Variants in RPTOR observed in about 807,000 individuals in gnomAD.
RPTOR encodes the protein regulatory associated protein of MTOR complex 1, also known as regulatory-associated protein of mTOR.
RPTOR carries 21 observed loss-of-function variants against 169.9 expected under a neutral mutation model. The ratio of observed to expected loss-of-function variants is 0.12; its 90% CI spans 0.09 to 0.18. The LOEUF (loss-of-function observed/expected upper bound fraction) is 0.18. Among genes scored for constraint, RPTOR ranks in the 10% least tolerant of loss-of-function variants. The probability of loss-of-function intolerance (pLI) is 1.00; values close to 1 mark genes in which losing one functional copy is unlikely to be tolerated. For synonymous variants in RPTOR, 732 were observed against 753.2 expected, an observed-to-expected ratio of 0.97 and a Z score of 0.46; for missense variants, 1,133 against 1,855.9, an observed-to-expected ratio of 0.61 and a Z score of 7.16.
chr17:80,757,722 C>A (rs2066694914), intron 6 of RPTOR, among the ~76,000 whole-genome samples: 1 of 152,070 alleles, frequency 6.6e-6, no homozygotes, highest in Non-Finnish European at 1.5e-5. Flanking sequence ...TTTATCTTTT[C>A]TTTTTAAGAC....
In RPTOR at chr17:80,744,785, T is replaced by G. The variant is rs371894390; in HGVS notation, c.655-9225T>G. Among the ~76,000 whole-genome samples, 19 of 79,654 alleles carry G rather than the reference T, an allele frequency of 2.4e-4. 1 individual carries two copies. The highest frequency in any genetic ancestry group is 3.5e-4 in the Non-Finnish European group (14 of 40,530). 52.3% of individuals were successfully genotyped at this position (79,654 alleles called of 152,430 possible). ...TGGCTACTAGCACTGTCCTGGCTAC[T>G]AGCACAGCCCTGGCTACTAGCACTG... On this transcript the variant is annotated intron_variant, in intron 5 of 33. Transcript: ENST00000306801.
chr17:80,727,686 A>G (rs189376691), intron 4 of RPTOR, among the ~76,000 whole-genome samples: 25 of 152,336 alleles, frequency 1.6e-4, no homozygotes, highest in Middle Eastern at 3.4e-3. Context: ...CTCAGCTACA[A>G]CTGCTTTAGA....
intron 3 of RPTOR, among the ~76,000 whole-genome samples, chr17:80,692,303 TG>T (rs2065999795): frequency 6.7e-6 from 1 of 150,322 alleles, no homozygotes; most frequent in African/African-American, 2.4e-5. Flanking sequence ...TGTTATGTTA[TG>T]TTATGTTATG....
intron 10 of RPTOR, among the ~76,000 whole-genome samples, chr17:80,839,150 T>C (rs2067599364): frequency 6.6e-6 from 1 of 152,210 alleles, no homozygotes; most frequent in South Asian, 2.1e-4. Context: ...CGTGCGTGCG[T>C]GTGTACGCGT....
intron 3 of RPTOR, among the ~76,000 whole-genome samples, chr17:80,677,700 T>C (rs4889875): frequency 0.68 from 103,526 of 152,082 alleles, 36,262 homozygotes; most frequent in African/African-American, 0.85. Flanking sequence ...CGAGTCTTGC[T>C]GTTGATGTCA....
intron 13 of RPTOR, among the ~76,000 whole-genome samples, chr17:80,863,999 A>G (rs4969221): frequency 0.22 from 33,628 of 152,196 alleles, 3,783 homozygotes; most frequent in Admixed American, 0.26. Context: ...AATTAAAAGA[A>G]TATTATTCCA....
At chr17:80,732,507 GA>G (rs1052895199) in intron 5 of RPTOR, among the ~76,000 whole-genome samples, 2 of 150,436 alleles carry the variant, frequency 1.3e-5, no homozygotes, top group East Asian at 3.9e-4. Flanking sequence ...TCTTTTTTAG[GA>G]AAAAAAAATG....
rs529700162 is a variant in RPTOR, at chr17:80,598,608, G to A, written c.163-27083G>A. On this transcript the variant is annotated intron_variant, in intron 1 of 33. Coordinates refer to ENST00000306801, the MANE Select transcript of RPTOR (RefSeq NM_020761.3). ...TGAGTCCAAGTTGCTGATCTTTTGC[G>A]CAGGGTGGTTCTGCCGCAGTCTGCG... Among the ~76,000 whole-genome samples, 62 of 152,322 alleles carry A rather than the reference G, an allele frequency of 4.1e-4. 1 individual carries two copies. The highest frequency in any genetic ancestry group is 1.3e-3 in the African/African-American group (56 of 41,584).
rs370682075 is a variant in RPTOR at position 80,960,170 on chromosome 17, C to T, written c.3570C>T (p.Ile1190=). ...TGGCTGGCCTCGGTGACGGCTCCAT[C>T]CGCGTCTACGACAGAAGGATGGCAC... ...LIVAGLGDGS[I]RVYDRRMALS... is the part of the protein sequence containing the mutation. The change falls in exon 30 of 34, where the codon ATC becomes ATT. Residue 1190 remains isoleucine, a synonymous_variant. Transcript: ENST00000306801. The surrounding 1 kb of genome is among the most constrained non-coding windows in gnomAD (Gnocchi z 4.8). The T allele has an allele frequency of 1.4e-5, 23 of 1,613,466 alleles. No homozygotes were observed. The highest frequency in any genetic ancestry group is 6.7e-5 in the Admixed American group (4 of 60,012).
intron 27 of RPTOR, among the ~76,000 whole-genome samples, chr17:80,948,884 G>A (rs1243302907): frequency 2.0e-5 from 3 of 152,180 alleles, no homozygotes; most frequent in East Asian, 1.9e-4. Flanking sequence ...GAGCAGGGCA[G>A]TGCGTCCCTG....
rs1363538472 is a variant in RPTOR at position 80,684,594 on chromosome 17, A to G, written c.349-23247A>G. Among the ~76,000 whole-genome samples the G allele has an allele frequency of 3.3e-5, 5 of 151,758 alleles. No homozygotes were observed. The East Asian group carries it at 7.8e-4, about 24-fold the overall frequency. On this transcript the variant is annotated intron_variant, in intron 3 of 33. Coordinates refer to ENST00000306801, the MANE Select transcript of RPTOR (RefSeq NM_020761.3). ...CGAGTAGCTGGGACTACAGACGCCCACCACCACACCCGGCTAATTTTTTGT... is the reference window on the plus strand; with the variant it reads ...CGAGTAGCTGGGACTACAGACGCCCGCCACCACACCCGGCTAATTTTTTGT...
At chr17:80,725,122 A>G (rs1487200524) in intron 4 of RPTOR, among the ~76,000 whole-genome samples, 1 of 152,230 alleles carries the variant, frequency 6.6e-6, no homozygotes, top group East Asian at 1.9e-4. Context: ...CCTGAGATGT[A>G]GAATTGTGGG....
intron 4 of RPTOR, among the ~76,000 whole-genome samples, chr17:80,713,377 C>T (rs1207602446): frequency 2.0e-5 from 3 of 152,172 alleles, no homozygotes; most frequent in Admixed American, 1.3e-4. Flanking sequence ...ATATGTGTTT[C>T]GCAAATATGT....
intron 11 of RPTOR, among the ~76,000 whole-genome samples, chr17:80,846,781 C>T (rs910900923): frequency 6.6e-6 from 1 of 152,240 alleles, no homozygotes; most frequent in Admixed American, 6.5e-5. Flanking sequence ...CTGGGCTGAT[C>T]GCACATTCAT....
intron 13 of RPTOR, among the ~76,000 whole-genome samples, chr17:80,874,797 T>A (rs1250446673): frequency 6.6e-6 from 1 of 152,148 alleles, no homozygotes; most frequent in East Asian, 1.9e-4. Flanking sequence ...CCCGGTAGCA[T>A]CCTCACGTTA....
At chr17:80,724,779 C>T (rs1233422146) in intron 4 of RPTOR, among the ~76,000 whole-genome samples, 1 of 152,218 alleles carries the variant, frequency 6.6e-6, no homozygotes, top group Non-Finnish European at 1.5e-5. Flanking sequence ...GTCAGAGCTG[C>T]TGTGCCTGGA....
intron 20 of RPTOR, among the ~76,000 whole-genome samples, chr17:80,908,268 G>GTAA (rs1455934173): frequency 6.6e-6 from 1 of 152,164 alleles, no homozygotes; most frequent in Non-Finnish European, 1.5e-5. Flanking sequence ...GAGAGGCTTA[G>GTAA]GGACAAAAGT....
intron 5 of RPTOR, among the ~76,000 whole-genome samples, chr17:80,736,711 C>A (rs1567882585): frequency 6.6e-6 from 1 of 152,206 alleles, no homozygotes; most frequent in Non-Finnish European, 1.5e-5. Flanking sequence ...AAAGGCAGTT[C>A]TCCTGCTGAA....
At chr17:80,912,380 G>C (rs1567983022) in intron 21 of RPTOR, among the ~76,000 whole-genome samples, 1 of 152,100 alleles carries the variant, frequency 6.6e-6, no homozygotes. Context: ...AGCTTCTTGG[G>C]TATTTTGATC....
Sources: gnomAD v4.1 joint callset for allele counts (sites outside exome capture counted in the v4.1 genomes callset) on GRCh38, gnomAD v4.1.1 for gene constraint, Gnocchi (gnomAD v3.1) non-coding constraint, MANE v1.5 for transcripts, NCBI Gene and HGNC (gene_info 2026-07-23, HGNC 2026-07-21) for gene names.